The following NEXMIF variants were observed in gnomAD, a reference collection of about 807,000 sequenced individuals.
The protein encoded by NEXMIF is XLMR protein related to neurite extension.
A neutral mutation model predicts 62.1 loss-of-function variants in NEXMIF; 8 were observed. That is an observed-to-expected ratio of 0.13 (90% CI 0.08 to 0.23). The LOEUF is 0.23. Ranked by LOEUF, NEXMIF falls within the 10% of genes least tolerant of loss-of-function variation. The pLI, the probability that NEXMIF is intolerant of heterozygous loss-of-function variation, is 1.00. For missense variants in NEXMIF, 976 were observed against 1,113.3 expected, an observed-to-expected ratio of 0.88 and a Z score of 1.75; for synonymous variants, 404 against 416.6, an observed-to-expected ratio of 0.97 and a Z score of 0.37.
intron 1 of NEXMIF, among the ~76,000 whole-genome samples, chrX:74,773,372 G>A (rs946126562): frequency 1.8e-5 from 2 of 111,074 alleles, no homozygotes; most frequent in Non-Finnish European, 3.8e-5. Context: ...ACTCTTTCAG[G>A]CCCACCTGCC....
intron 1 of NEXMIF, among the ~76,000 whole-genome samples, chrX:74,885,883 G>T (rs1247273095): frequency 1.8e-5 from 2 of 111,662 alleles, no homozygotes; most frequent in Admixed American, 9.5e-5. Context: ...GATGAACATT[G>T]ATGCAAAAAT....
At chrX:74,846,094 G>T (rs150683371) in intron 1 of NEXMIF, among the ~76,000 whole-genome samples, 1,455 of 112,723 alleles carry the variant, frequency 0.013, 15 homozygotes, top group Middle Eastern at 0.027. Flanking sequence ...GCTCTACTTT[G>T]TCAGAAACCA....
intron 1 of NEXMIF, among the ~76,000 whole-genome samples, chrX:74,785,598 GAAAATTAC>G (rs2080258238): frequency 8.9e-6 from 1 of 112,319 alleles, no homozygotes. Context: ...CATAGGCAAG[GAAAATTAC>G]ACTTTAAAGA....
chrX:74,862,258 G>C (rs967448312), intron 1 of NEXMIF, among the ~76,000 whole-genome samples: 11 of 110,674 alleles, frequency 9.9e-5, no homozygotes, highest in Admixed American at 3.9e-4. Flanking sequence ...ATTACATAAT[G>C]GTAAAGGGAT....
At chrX:74,918,247 G>T (rs1310937879) in intron 1 of NEXMIF, among the ~76,000 whole-genome samples, 1 of 111,910 alleles carries the variant, frequency 8.9e-6, no homozygotes, top group African/African-American at 3.2e-5. Context: ...TCTGAAGAGA[G>T]TATCCTTGGC....
chrX:74,886,717 A>C (rs1049501165), intron 1 of NEXMIF, among the ~76,000 whole-genome samples: 25 of 110,379 alleles, frequency 2.3e-4, no homozygotes, highest in Non-Finnish European at 4.3e-4. Flanking sequence ...GACAATGGCC[A>C]TACTGCCCAA....
intron 1 of NEXMIF, among the ~76,000 whole-genome samples, chrX:74,750,919 C>A (rs2080140112): frequency 9.0e-6 from 1 of 111,462 alleles, no homozygotes; most frequent in South Asian, 3.8e-4. Context: ...AATATTTCCT[C>A]TCTCATGATA....
At chrX:74,855,432 T>A (rs780705536) in intron 1 of NEXMIF, among the ~76,000 whole-genome samples, 1 of 112,175 alleles carries the variant, frequency 8.9e-6, no homozygotes, top group Admixed American at 9.4e-5. Context: ...CAATTGTGTA[T>A]TATCATGGCT....
At chrX:74,920,686 C>G (rs1173523596) in intron 1 of NEXMIF, among the ~76,000 whole-genome samples, 1 of 111,905 alleles carries the variant, frequency 8.9e-6, no homozygotes, top group Non-Finnish European at 1.9e-5. Flanking sequence ...GTGTTTTAGA[C>G]ATGAAGTCCT....
At chrX:74,807,810 G>C (rs1211618145) in intron 1 of NEXMIF, among the ~76,000 whole-genome samples, 1 of 111,458 alleles carries the variant, frequency 9.0e-6, no homozygotes. Flanking sequence ...GTACAATATT[G>C]AATAGGAGTG....
At chrX:74,830,181 A>C (rs1467210918) in intron 1 of NEXMIF, among the ~76,000 whole-genome samples, 1 of 111,883 alleles carries the variant, frequency 8.9e-6, no homozygotes, top group Non-Finnish European at 1.9e-5. Context: ...TCATAGTTTG[A>C]GGTCTAAGAT....
intron 1 of NEXMIF, among the ~76,000 whole-genome samples, chrX:74,853,986 G>GAATTCTACCAAATTTA (rs1342946029): frequency 8.1e-5 from 9 of 111,758 alleles, no homozygotes; most frequent in Non-Finnish European, 1.7e-4. Context: ...CTTCACTGTT[G>GAATTCTACCAAATTTA]AATTCTACCA....
intron 1 of NEXMIF, among the ~76,000 whole-genome samples, chrX:74,818,318 G>T (rs1174649908): frequency 2.7e-5 from 3 of 110,723 alleles, no homozygotes; most frequent in Non-Finnish European, 3.8e-5. Context: ...AAATAAAGCC[G>T]CACACCTACA....
intron 1 of NEXMIF, among the ~76,000 whole-genome samples, chrX:74,845,875 G>A (rs1216341770): frequency 9.0e-6 from 1 of 111,104 alleles, no homozygotes; most frequent in African/African-American, 3.3e-5. Flanking sequence ...CAGCTCCTGA[G>A]AAAGGTATAA....
chrX:74,752,115 C>T (rs938196480), intron 1 of NEXMIF, among the ~76,000 whole-genome samples: 2 of 111,357 alleles, frequency 1.8e-5, no homozygotes, highest in African/African-American at 6.5e-5. Flanking sequence ...CCTATTTTTT[C>T]GTCTTTAAAA....
chrX:74,865,176 G>A (rs2080573605), intron 1 of NEXMIF, among the ~76,000 whole-genome samples: 1 of 112,074 alleles, frequency 8.9e-6, no homozygotes, highest in South Asian at 3.7e-4. Flanking sequence ...GTAGTAAGAT[G>A]TGGGAAAGTT....
chrX:74,747,156 A>AT, intron 1 of NEXMIF, among the ~76,000 whole-genome samples: 1 of 111,904 alleles, frequency 8.9e-6, no homozygotes, highest in African/African-American at 3.2e-5. Context: ...TTCAGGTATC[A>AT]TTTACCCCTC....
At chrX:74,857,446 C>A (rs1015338703) in intron 1 of NEXMIF, among the ~76,000 whole-genome samples, 14 of 111,853 alleles carry the variant, frequency 1.3e-4, no homozygotes, top group African/African-American at 4.2e-4. Context: ...AAGGGAAGGA[C>A]CTGGTCCTGG....
chrX:74,876,648 G>A (rs1312483761), intron 1 of NEXMIF, among the ~76,000 whole-genome samples: 3 of 101,163 alleles, frequency 3.0e-5, no homozygotes, highest in Non-Finnish European at 4.0e-5. Flanking sequence ...AGGTCACTCA[G>A]GACTTGCTTT....
Sources: allele counts gnomAD v4.1 joint callset (sites outside exome capture counted in the v4.1 genomes callset), GRCh38; gene constraint gnomAD v4.1.1; transcripts MANE v1.5; gene names NCBI Gene and HGNC (gene_info 2026-07-23, HGNC 2026-07-21).